Variants in ASIC2 observed in about 807,000 individuals in gnomAD.
The protein encoded by ASIC2 is acid sensing ion channel subunit 2.
Under a neutral mutation model 57.3 loss-of-function variants are expected in ASIC2, and 25 were observed. The ratio of observed to expected loss-of-function variants is 0.44; its 90% confidence interval spans 0.32 to 0.61. The LOEUF (loss-of-function observed/expected upper bound fraction) is 0.61, where lower values mean the gene tolerates loss of function less well. Ranked by LOEUF, ASIC2 falls within the 20% of genes least tolerant of loss-of-function variation. The pLI, the probability that ASIC2 is intolerant of heterozygous loss-of-function variation, is 0.06. For missense variants in ASIC2, 641 were observed against 738.1 expected (o/e 0.87, Z 1.52); for synonymous variants, 319 against 307.5 (o/e 1.04, Z -0.39).
intron 1 of ASIC2, among the ~76,000 whole-genome samples, chr17:33,380,580 C>T (rs972191609): frequency 2.6e-5 from 4 of 152,192 alleles, no homozygotes; most frequent in African/African-American, 9.7e-5. Flanking sequence ...ATATTCTTCT[C>T]CTCAGGGTCT....
At chr17:33,811,027 G>T (rs1268948593) in intron 1 of ASIC2, among the ~76,000 whole-genome samples, 2 of 152,198 alleles carry the variant, frequency 1.3e-5, no homozygotes, top group Non-Finnish European at 2.9e-5. Context: ...GGCTTCCATG[G>T]CAGAAGGTAT....
intron 1 of ASIC2, among the ~76,000 whole-genome samples, chr17:33,421,461 A>C (rs1282006333): frequency 3.9e-5 from 6 of 152,228 alleles, no homozygotes; most frequent in Admixed American, 1.3e-4. Context: ...GGGGGCTAGT[A>C]GATGGCTTCC....
chr17:33,248,872 G>A (rs565665844), intron 1 of ASIC2, among the ~76,000 whole-genome samples: 28 of 152,342 alleles, frequency 1.8e-4, no homozygotes, highest in Admixed American at 7.8e-4. Context: ...TTCCTGCAAA[G>A]AGTCTTTTTT....
chr17:33,444,608 G>GAGTGGGCAAGTGTTAGGGT (rs148317832), intron 1 of ASIC2, among the ~76,000 whole-genome samples: 25,590 of 151,884 alleles, frequency 0.17, 2,268 homozygotes, highest in East Asian at 0.24. Flanking sequence ...GTTGCCTGGG[G>GAGTGGGCAAGTGTTAGGGT]AGTGGGCAAG....
intron 1 of ASIC2, among the ~76,000 whole-genome samples, chr17:33,116,780 A>G (rs2092282859): frequency 1.3e-5 from 2 of 152,282 alleles, no homozygotes; most frequent in African/African-American, 4.8e-5. Context: ...TTGAAGATGG[A>G]GGAAAGGAAA....
intron 3 of ASIC2, among the ~76,000 whole-genome samples, chr17:33,036,483 T>G (rs1467551442): frequency 6.6e-6 from 1 of 152,124 alleles, no homozygotes; most frequent in Non-Finnish European, 1.5e-5. Flanking sequence ...CAGGCTGGAG[T>G]GCAGTGCCAT....
intron 1 of ASIC2, among the ~76,000 whole-genome samples, chr17:33,624,854 T>C (rs923529129): frequency 3.9e-5 from 6 of 152,218 alleles, no homozygotes; most frequent in Non-Finnish European, 8.8e-5. Context: ...GCATCCATCA[T>C]ACATCTGTTC....
chr17:33,118,015 C>A (rs529599971), intron 1 of ASIC2, among the ~76,000 whole-genome samples: 1 of 152,204 alleles, frequency 6.6e-6, no homozygotes, highest in East Asian at 1.9e-4. Flanking sequence ...TGCTGGAAGC[C>A]CAGGGTAGCC....
chr17:33,870,110 A>G (rs1914353605), intron 1 of ASIC2, among the ~76,000 whole-genome samples: 1 of 152,086 alleles, frequency 6.6e-6, no homozygotes, highest in African/African-American at 2.4e-5. Flanking sequence ...ACACAGAATC[A>G]TATCTAATTG....
At chr17:33,356,887 AC>A (rs1283757550) in intron 1 of ASIC2, among the ~76,000 whole-genome samples, 1 of 152,006 alleles carries the variant, frequency 6.6e-6, no homozygotes, top group Non-Finnish European at 1.5e-5. Context: ...GAAGACTGTT[AC>A]AGAGCAAGAC....
At chr17:33,972,447 T>G (rs1349230411) in intron 1 of ASIC2, among the ~76,000 whole-genome samples, 3 of 152,298 alleles carry the variant, frequency 2.0e-5, no homozygotes, top group East Asian at 1.9e-4. Flanking sequence ...GCTCCAGTGA[T>G]CTCTAGGCTT....
At chr17:33,053,981 T>C (rs2091987950) in intron 3 of ASIC2, among the ~76,000 whole-genome samples, 1 of 152,266 alleles carries the variant, frequency 6.6e-6, no homozygotes, top group Middle Eastern at 3.4e-3. Context: ...CCAGAATAAA[T>C]GCATCATCTC....
chr17:33,850,655 T>A (rs1474831769), intron 1 of ASIC2, among the ~76,000 whole-genome samples: 2 of 152,182 alleles, frequency 1.3e-5, no homozygotes, highest in Non-Finnish European at 2.9e-5. Flanking sequence ...AGCACACATA[T>A]AATAGAGTCA....
chr17:33,619,217 TTAAA>T (rs573390758), intron 1 of ASIC2, among the ~76,000 whole-genome samples: 201 of 152,284 alleles, frequency 1.3e-3, no homozygotes, highest in Non-Finnish European at 2.7e-3. Flanking sequence ...CAATAATAAT[TTAAA>T]TAATAATGGG....
At chr17:33,101,477 T>A (rs1013306337) in intron 2 of ASIC2, among the ~76,000 whole-genome samples, 2 of 152,212 alleles carry the variant, frequency 1.3e-5, no homozygotes, top group African/African-American at 4.8e-5. Context: ...AACTTTCAAC[T>A]GTTTTAGCTG....
At chr17:33,982,880 A>C (rs1432679017) in intron 1 of ASIC2, among the ~76,000 whole-genome samples, 1 of 152,220 alleles carries the variant, frequency 6.6e-6, no homozygotes, top group Non-Finnish European at 1.5e-5. Context: ...GAACTCCCTG[A>C]TATCATATGC....
chr17:33,289,571 G>A (rs2142179342), intron 1 of ASIC2, among the ~76,000 whole-genome samples: 1 of 152,342 alleles, frequency 6.6e-6, no homozygotes, highest in South Asian at 2.1e-4. Context: ...CAGAGAGGAA[G>A]GGTACCTGTG....
chr17:33,763,729 G>A, intron 1 of ASIC2, among the ~76,000 whole-genome samples: 1 of 152,220 alleles, frequency 6.6e-6, no homozygotes, highest in East Asian at 1.9e-4. Context: ...GGGTCCCAGA[G>A]TGAGTGAGGA....
At chr17:33,160,767 G>GGCC in intron 1 of ASIC2, among the ~76,000 whole-genome samples, 1 of 152,344 alleles carries the variant, frequency 6.6e-6, no homozygotes, top group South Asian at 2.1e-4. Context: ...GTTCCAAACA[G>GGCC]ACTGCAAGCT....
Sources: allele counts gnomAD v4.1 joint callset (sites outside exome capture counted in the v4.1 genomes callset), GRCh38; gene constraint gnomAD v4.1.1; transcripts MANE v1.5; gene names NCBI Gene and HGNC (gene_info 2026-07-23, HGNC 2026-07-21).